The following MINAR1 variants were observed in gnomAD, a reference collection of about 807,000 sequenced individuals.
MINAR1 encodes the protein major intrinsically disordered Notch2-binding receptor 1.
A neutral mutation model predicts 65.1 loss-of-function variants in MINAR1; 40 were observed. The observed-to-expected ratio is 0.61, with a 90% confidence interval of 0.48 to 0.80. MINAR1 has a LOEUF of 0.80. MINAR1 is among the 30% of genes least tolerant of loss of function. MINAR1 has a pLI of 0.00. For synonymous variants in MINAR1, 482 were observed against 449.1 expected (o/e 1.07, Z -0.93); for missense variants, 1,128 against 1,148.0 (o/e 0.98, Z 0.25).
chr15:79,461,371 C>T (rs908388442), intron 2 of MINAR1, among the ~76,000 whole-genome samples: 3 of 152,188 alleles, frequency 2.0e-5, no homozygotes, highest in Non-Finnish European at 4.4e-5. Flanking sequence ...GCATGTTTAG[C>T]ACTGAGCAGA....
intron 2 of MINAR1, among the ~76,000 whole-genome samples, chr15:79,460,111 C>T (rs918196590): frequency 1.3e-5 from 2 of 152,208 alleles, no homozygotes; most frequent in Non-Finnish European, 2.9e-5. Context: ...CAGATCCGCT[C>T]GATAGGTCTA....
At chr15:79,437,741 GGTGTGTGT>G (rs1474927389) in intron 1 of MINAR1, among the ~76,000 whole-genome samples, 2 of 100,464 alleles carry the variant, frequency 2.0e-5, no homozygotes, top group African/African-American at 3.7e-5. Context: ...GTGGGGTGTG[GGTGTGTGT>G]AGGTAGTGTG....
intron 1 of MINAR1, among the ~76,000 whole-genome samples, chr15:79,446,031 T>C (rs1304226539): frequency 6.6e-6 from 1 of 152,246 alleles, no homozygotes; most frequent in African/African-American, 2.4e-5. Context: ...AGTTATACTT[T>C]GCTTCTTTAT....
intron 1 of MINAR1, among the ~76,000 whole-genome samples, chr15:79,453,250 A>G (rs1895298541): frequency 1.3e-5 from 2 of 151,874 alleles, no homozygotes; most frequent in South Asian, 4.2e-4. Flanking sequence ...CCCCTCATTC[A>G]CTTCTGTCAG....
At chr15:79,431,214 TC>T (rs1054388131), upstream of MINAR1, among the ~76,000 whole-genome samples, 11 of 152,114 alleles carry the variant, frequency 7.2e-5, no homozygotes, top group Non-Finnish European at 1.6e-4. Context: ...GGTGTTGCTT[TC>T]CTTTTGAAAT....
intron 1 of MINAR1, among the ~76,000 whole-genome samples, chr15:79,448,180 C>T (rs918020035): frequency 5.9e-5 from 9 of 152,330 alleles, no homozygotes; most frequent in African/African-American, 1.9e-4. Context: ...TTCACATTCT[C>T]TAAGCTTACT....
chr15:79,458,534 C>A (rs1351631895), intron 2 of MINAR1, 89 bp downstream of exon 2: 2 of 1,466,472 alleles, frequency 1.4e-6, no homozygotes, highest in Non-Finnish European at 1.8e-6. Flanking sequence ...GTTAAACAGG[C>A]AAGAGGCCTG....
chr15:79,425,040 T>A, the MINAR1 span: 1 of 139,448 alleles, frequency 7.2e-6, no homozygotes, highest in Non-Finnish European at 1.6e-5. Context: ...TTGTTTGTGT[T>A]TTTTTTTTTA....
the MINAR1 span, chr15:79,421,681 T>C: frequency 1.3e-5 from 2 of 152,096 alleles, no homozygotes; most frequent in African/African-American, 2.4e-5. Flanking sequence ...TGATGAAACA[T>C]GGAGTAAGTG....
chr15:79,445,748 A>G lies in MINAR1; in HGVS notation c.-50-10350A>G, dbSNP rs374386805. ...TTTTTAGTAGAGATGGGGTTTCTCCATGTTGGTCAGGCTGGTCTTGAACTA... is the reference window on the plus strand; with the variant it reads ...TTTTTAGTAGAGATGGGGTTTCTCCGTGTTGGTCAGGCTGGTCTTGAACTA... On this transcript the variant is annotated intron_variant, in intron 1 of 3. Coordinates refer to ENST00000305428, the MANE Select transcript of MINAR1 (RefSeq NM_015206.3). Among the ~76,000 whole-genome samples, 36 of 152,194 alleles carry G rather than the reference A, an allele frequency of 2.4e-4. 1 individual carries two copies. In the East Asian group the frequency reaches 4.6e-3, roughly 20 times the overall value.
At position 79,458,127 on chromosome 15, in the gene MINAR1, T is replaced by C. The variant is rs754957382; in HGVS notation, c.1980T>C (p.Ser660=). ...AGGGTCCGTCTGATGACAGTGCCTC[T>C]CCCCGGATGTTCCACGCACACAGTG... The part of the protein sequence containing the change: ...TSEGPSDDSA[S]PRMFHAHSGS... Residue 660 remains serine (S), a synonymous_variant, in exon 2 of 4, where the codon TCT becomes TCC. Coordinates refer to ENST00000305428, the MANE Select transcript of MINAR1 (RefSeq NM_015206.3). 1.2e-6 allele frequency: 2 copies of C among 1,614,094 alleles called. No individual in the cohort carries two copies. The highest frequency in any genetic ancestry group is 1.7e-5 in the Admixed American group (1 of 60,016).
In MINAR1 at chr15:79,470,868, G is replaced by A. The variant is rs1166338850; in HGVS notation, c.*2484G>A. The A allele has an allele frequency of 1.3e-5, 2 of 152,150 alleles. No homozygotes were observed. The highest frequency in any genetic ancestry group is 1.9e-4 in the East Asian group (1 of 5,194). The allele number at this position is 152,150 out of a possible 1,614,324, so 9.4% of individuals were successfully genotyped here. On this transcript the variant is annotated 3_prime_UTR_variant, in exon 4 of 4. Transcript: ENST00000305428. ...TCAGTCTGATAATACCAAGTCTGAC[G>A]CTGAGGTTATGAATCATTACCATGG... is the stretch of plus-strand genomic sequence containing the variant.
rs1302716388 is a variant in MINAR1 at position 79,469,672 on chromosome 15, A to T, written c.*1288A>T. 1 of 152,592 alleles carries T rather than the reference A, an allele frequency of 6.6e-6. No individual in the cohort carries two copies. The highest frequency in any genetic ancestry group is 1.9e-4 in the East Asian group (1 of 5,194). The allele number at this position is 152,592 out of a possible 1,614,324, so 9.5% of individuals were successfully genotyped here. Reference sequence around the variant, plus strand: ...GCTGTTGTAATTTCATCCAAATTTGATCTGTTTCCACCTGCTGAATGGTGC... The same window carrying T: ...GCTGTTGTAATTTCATCCAAATTTGTTCTGTTTCCACCTGCTGAATGGTGC... On this transcript the variant is annotated 3_prime_UTR_variant, in exon 4 of 4. Transcript: ENST00000305428.
chr15:79,445,547 G>GTTATT (rs1555427876), intron 1 of MINAR1, among the ~76,000 whole-genome samples: 12 of 71,110 alleles, frequency 1.7e-4, no homozygotes, highest in Non-Finnish European at 3.1e-4. Context: ...TTCTGTGACA[G>GTTATT]TTATTTTTTT....
At chr15:79,434,041 A>T (rs1328073633) in intron 1 of MINAR1, among the ~76,000 whole-genome samples, 1 of 152,170 alleles carries the variant, frequency 6.6e-6, no homozygotes, top group Admixed American at 6.5e-5. Context: ...TGGAGCCTGG[A>T]GGGAAAAACC....
At chr15:79,421,970 A>G in the MINAR1 span, 7 of 152,276 alleles carry the variant, frequency 4.6e-5, no homozygotes, top group African/African-American at 1.7e-4. Context: ...TTGTATATGC[A>G]GTCAGCAGCC....
In MINAR1 at chr15:79,457,362, C is replaced by T. The variant is rs753264951; in HGVS notation, c.1215C>T (p.Phe405=). 6.2e-7 allele frequency: 1 copy of T among 1,614,064 alleles called. No individual in the cohort carries two copies. Among genetic ancestry groups the T allele is most frequent in the Non-Finnish European group, 8.5e-7 (1 of 1,180,038 alleles). Residue 405 remains phenylalanine, a synonymous_variant, in exon 2 of 4, where the codon TTC becomes TTT. Transcript: ENST00000305428. ...YPNASSQTPN[F]PAPERRPTYL... ...ATGCCAGTAGCCAGACCCCCAATTT[C>T]CCAGCCCCAGAAAGGCGCCCAACTT...
intron 1 of MINAR1, among the ~76,000 whole-genome samples, chr15:79,450,292 C>A (rs1207541584): frequency 2.0e-5 from 3 of 152,150 alleles, no homozygotes; most frequent in Non-Finnish European, 4.4e-5. Context: ...CTCAGCTGTG[C>A]CTAGCCCAGT....
chr15:79,447,792 G>T (rs894105718), intron 1 of MINAR1, among the ~76,000 whole-genome samples: 1 of 152,124 alleles, frequency 6.6e-6, no homozygotes, highest in African/African-American at 2.4e-5. Flanking sequence ...CCATTTCTAA[G>T]GGGTAATTTT....
Sources: allele counts gnomAD v4.1 joint callset (sites outside exome capture counted in the v4.1 genomes callset), GRCh38; gene constraint gnomAD v4.1.1; transcripts MANE v1.5; gene names NCBI Gene and HGNC (gene_info 2026-07-23, HGNC 2026-07-21).